Variants in ZNF536 observed in about 807,000 individuals in gnomAD.
ZNF536 encodes the protein zinc finger protein 536.
Under a neutral mutation model 84.5 loss-of-function variants are expected in ZNF536, and 13 were observed. That is an observed-to-expected ratio of 0.15 (90% confidence interval 0.10 to 0.24). The LOEUF (loss-of-function observed/expected upper bound fraction) is 0.24. ZNF536 is among the 10% of genes least tolerant of loss of function. The pLI, the probability that ZNF536 is intolerant of heterozygous loss-of-function variation, is 1.00. For synonymous variants in ZNF536, 811 were observed against 742.5 expected, an observed-to-expected ratio of 1.09 and a Z score of -1.50; for missense variants, 1,536 against 1,747.5, an observed-to-expected ratio of 0.88 and a Z score of 2.16.
intron 1 of ZNF536, among the ~76,000 whole-genome samples, chr19:30,682,557 C>T (rs2051018528): frequency 6.6e-6 from 1 of 152,324 alleles, no homozygotes; most frequent in South Asian, 2.1e-4. Flanking sequence ...TTCCCCACCT[C>T]CATCCCCAGG....
At chr19:30,542,185 C>G (rs759914915) in intron 3 of ZNF536, among the ~76,000 whole-genome samples, 10 of 152,196 alleles carry the variant, frequency 6.6e-5, no homozygotes, top group Non-Finnish European at 1.2e-4. Context: ...AATATGAATC[C>G]ACCTGTTATT....
chr19:30,427,547 G>T (rs1050918990), intron 1 of ZNF536, among the ~76,000 whole-genome samples: 3 of 152,126 alleles, frequency 2.0e-5, no homozygotes, highest in Non-Finnish European at 2.9e-5. Flanking sequence ...TTGTTGGTTG[G>T]CTGTAGATGT....
intron 2 of ZNF536, among the ~76,000 whole-genome samples, chr19:30,304,521 A>G (rs939072004): frequency 4.6e-5 from 7 of 152,200 alleles, no homozygotes; most frequent in African/African-American, 1.7e-4. Context: ...CACTGATTCA[A>G]CAAGGGGGAG....
At chr19:30,452,604 T>C (rs1175578980) in intron 2 of ZNF536, among the ~76,000 whole-genome samples, 2 of 152,144 alleles carry the variant, frequency 1.3e-5, no homozygotes, top group Non-Finnish European at 2.9e-5. Context: ...GAAAGAACTG[T>C]GCAGGGAGCA....
At chr19:30,413,908 G>T (rs564894677) in intron 1 of ZNF536, among the ~76,000 whole-genome samples, 57 of 151,856 alleles carry the variant, frequency 3.8e-4, no homozygotes, top group African/African-American at 1.4e-3. Context: ...TGGCTAACAT[G>T]GTGAAACCCC....
chr19:30,595,581 C>G (rs1488579803), intron 1 of ZNF536, among the ~76,000 whole-genome samples: 1 of 152,204 alleles, frequency 6.6e-6, no homozygotes, highest in Non-Finnish European at 1.5e-5. Context: ...AGCCACCATG[C>G]CTGGCCAGAA....
chr19:30,250,080 G>A (rs577197285), intron 1 of ZNF536, among the ~76,000 whole-genome samples: 32 of 152,300 alleles, frequency 2.1e-4, no homozygotes, highest in African/African-American at 7.5e-4. Context: ...GCAGTCACAA[G>A]CAGCTCGGAG....
chr19:30,584,118 A>C (rs753483865), intron 1 of ZNF536, among the ~76,000 whole-genome samples: 11 of 152,254 alleles, frequency 7.2e-5, no homozygotes, highest in Non-Finnish European at 1.3e-4. Context: ...CCAACGCTGC[A>C]TCTTCCTATC....
intron 2 of ZNF536, among the ~76,000 whole-genome samples, chr19:30,456,168 T>A (rs2052829541): frequency 6.6e-6 from 1 of 152,224 alleles, no homozygotes; most frequent in Non-Finnish European, 1.5e-5. Flanking sequence ...GTAATAGTTA[T>A]ACTTTTTTTT....
At position 30,271,294 on chromosome 19, in the gene ZNF536, C is replaced by CTTTTTT. The variant is rs879683203; in HGVS notation, c.-189-12774_-189-12773insTTTTTT. Among the ~76,000 whole-genome samples the CTTTTTT allele has an allele frequency of 3.8e-4, 39 of 103,174 alleles. 3 individuals carry two copies. The highest frequency in any genetic ancestry group is 1.0e-3 in the African/African-American group (29 of 28,310). 67.7% of individuals were successfully genotyped at this position (103,174 alleles called of 152,430 possible). ...CTGGAAGCTTTCCCTGTGTTTTTTT[C>CTTTTTT]TTTTCTTTTTTTTTTTTTTTTTTTT... is the stretch of plus-strand genomic sequence containing the variant. On this transcript the variant is annotated intron_variant, in intron 1 of 5. Coordinates refer to the ZNF536 transcript ENST00000585628.
At chr19:30,237,527 T>C (rs2023623141) in intron 1 of ZNF536, among the ~76,000 whole-genome samples, 4 of 151,942 alleles carry the variant, frequency 2.6e-5, no homozygotes, top group Non-Finnish European at 5.9e-5. Flanking sequence ...GGTAGGCGAG[T>C]GGAATTCTTG....
intron 2 of ZNF536, among the ~76,000 whole-genome samples, chr19:30,493,696 T>C (rs1199487717): frequency 1.3e-5 from 2 of 151,732 alleles, no homozygotes; most frequent in African/African-American, 4.8e-5. Flanking sequence ...GTCACAGAAG[T>C]CTTGAGTGCT....
chr19:30,464,450 A>G lies in ZNF536; in HGVS notation c.2170+18718A>G, dbSNP rs540458841. ...TCTCCCTTTCCTGAAATTCCAACAC[A>G]TCTTCTCCCAGCCATTTCATAAGGT... On this transcript the variant is annotated intron_variant, in intron 2 of 4. Transcript: ENST00000355537. Among the ~76,000 whole-genome samples the G allele has an allele frequency of 3.9e-5, 6 of 152,258 alleles. No homozygotes were observed. In the South Asian group the frequency reaches 8.3e-4, roughly 21 times the overall value.
At chr19:30,435,960 T>A (rs975578176) in intron 1 of ZNF536, among the ~76,000 whole-genome samples, 1 of 152,170 alleles carries the variant, frequency 6.6e-6, no homozygotes, top group Non-Finnish European at 1.5e-5. Context: ...CCAAAAATGG[T>A]CACGTCTTTG....
intron 3 of ZNF536, among the ~76,000 whole-genome samples, chr19:30,353,967 G>C (rs1288297938): frequency 6.6e-6 from 1 of 152,146 alleles, no homozygotes; most frequent in Non-Finnish European, 1.5e-5. Flanking sequence ...GTTTGTTCTG[G>C]AACATTCCAC....
chr19:30,608,629 G>C (rs1483797366), intron 1 of ZNF536, among the ~76,000 whole-genome samples: 1 of 152,174 alleles, frequency 6.6e-6, no homozygotes, highest in African/African-American at 2.4e-5. Context: ...GTAGTGCACA[G>C]TCAGGCTGGG....
chr19:30,536,464 G>T (rs931891413), intron 3 of ZNF536, among the ~76,000 whole-genome samples: 1 of 152,048 alleles, frequency 6.6e-6, no homozygotes, highest in Non-Finnish European at 1.5e-5. Flanking sequence ...TCGCTTATTT[G>T]TCTCCCACCA....
chr19:30,286,242 G>A (rs1475808503), intron 2 of ZNF536, among the ~76,000 whole-genome samples: 1 of 152,168 alleles, frequency 6.6e-6, no homozygotes, highest in Non-Finnish European at 1.5e-5. Flanking sequence ...GTGCGGGCGA[G>A]ATGTATTCAA....
At chr19:30,502,145 G>A (rs1466891623) in intron 2 of ZNF536, among the ~76,000 whole-genome samples, 3 of 152,200 alleles carry the variant, frequency 2.0e-5, no homozygotes, top group Non-Finnish European at 4.4e-5. Context: ...GCCAGGGAAG[G>A]AACATCAGTC....
Sources: gnomAD v4.1 joint callset for allele counts (sites outside exome capture counted in the v4.1 genomes callset) on GRCh38, gnomAD v4.1.1 for gene constraint, MANE v1.5 for transcripts, NCBI Gene and HGNC (gene_info 2026-07-23, HGNC 2026-07-21) for gene names.